Variants in NPR1 observed in about 807,000 individuals in gnomAD.
NPR1 encodes the protein atrial natriuretic peptide receptor 1.
NPR1 carries 57 observed loss-of-function variants against 116.9 expected under a neutral mutation model. The observed-to-expected ratio is 0.49, with a 90% CI of 0.39 to 0.61. The LOEUF is 0.61. Ranked by LOEUF, NPR1 falls within the 20% of genes least tolerant of loss-of-function variation. NPR1 has a pLI of 0.00. For synonymous variants in NPR1, 555 were observed against 601.6 expected (o/e 0.92, Z 1.13); for missense variants, 1,096 against 1,409.8 (o/e 0.78, Z 3.56).
At position 153,681,554 on chromosome 1, in the gene NPR1, G is replaced by A. The variant is rs61757352; in HGVS notation, c.1036-150G>A. The A allele has an allele frequency of 6.0e-3, 4,850 of 813,214 alleles. 144 individuals carry two copies. The African/African-American group carries it at 0.071, about 12-fold the overall frequency. The allele number at this position is 813,214 out of a possible 1,614,324, so 50.4% of individuals were successfully genotyped here. A position where few individuals can be genotyped will look rare whatever the true frequency, so the allele number is the denominator to read the frequency against. On this transcript the variant is annotated intron_variant, in intron 3 of 21. Transcript: ENST00000368680. ...GAAGTGATGCTAATCCAAAGGCATC[G>A]TTTAAATAGTAAAATCTCCCTGTGA...
At chr1:153,686,902 G>A (rs1248683251) in intron 11 of NPR1, 114 bp from the exon 12 acceptor site, 1 of 1,309,288 alleles carries the variant, frequency 7.6e-7, no homozygotes, top group Non-Finnish European at 1.1e-6. Context: ...TGGCACTAGA[G>A]TCAATCCAAA....
chr1:153,679,186 G>A lies in NPR1; in HGVS notation c.78G>A (p.Leu26=). 1.3e-6 allele frequency: 2 copies of A among 1,510,840 alleles called. No homozygotes were observed. Among genetic ancestry groups the A allele is most frequent in the Non-Finnish European group, 1.8e-6 (2 of 1,135,026 alleles). The allele number at this position is 1,510,840 out of a possible 1,614,324, so 93.6% of individuals were successfully genotyped here. Residue 26 remains leucine (L), a synonymous_variant, in exon 1 of 22, where the codon CTG becomes CTA. Coordinates refer to ENST00000368680, the MANE Select transcript of NPR1 (RefSeq NM_000906.4). This position sits in a 1 kb window ranked among gnomAD's most constrained non-coding sequence, Gnocchi z 4.2. ...TGCTGCTGCCGCCGCTGCTGCTGCTGCTCCGGGGCAGCCACGCGGGCAACC... is the reference window on the plus strand; with the variant it reads ...TGCTGCTGCCGCCGCTGCTGCTGCTACTCCGGGGCAGCCACGCGGGCAACC... ...LLLLLPPLLL[L]LRGSHAGNLT... is the part of the protein sequence containing the mutation.
intron 11 of NPR1, 87 bp from the exon 12 acceptor site, chr1:153,686,929 C>A: frequency 7.0e-7 from 1 of 1,434,150 alleles, no homozygotes; most frequent in South Asian, 1.2e-5. Context: ...TCCTGTTCTA[C>A]CAGTTCACAT....
At chr1:153,687,560 C>T in intron 13 of NPR1, 74 bp from the exon 14 acceptor site, 2 of 1,519,726 alleles carry the variant, frequency 1.3e-6, no homozygotes, top group East Asian at 2.3e-5. Context: ...TCAGTTTCGG[C>T]CACACCCTTG....
intron 7 of NPR1, 72 bp downstream of exon 7, chr1:153,683,896 A>G: frequency 7.3e-7 from 1 of 1,368,982 alleles, no homozygotes; most frequent in Non-Finnish European, 1.0e-6. Context: ...GGCGGTGGGG[A>G]CCCAGAGGGA....
intron 13 of NPR1, 62 bp downstream of exon 13, chr1:153,687,418 C>T: frequency 1.3e-6 from 2 of 1,577,354 alleles, no homozygotes; most frequent in Non-Finnish European, 1.7e-6. Context: ...GAGACTGATG[C>T]AAGGCCTCTG....
chr1:153,681,771 T>C lies in NPR1; in HGVS notation c.1103T>C (p.Leu368Pro). 6.2e-7 allele frequency: 1 copy of C among 1,614,040 alleles called. No homozygotes were observed. Among genetic ancestry groups the C allele is most frequent in the Non-Finnish European group, 8.5e-7 (1 of 1,180,006 alleles). Residue 368 changes from leucine (L) to proline (P), a missense_variant, in exon 4 of 22, where the codon CTG (leucine) becomes CCG (proline). Coordinates refer to ENST00000368680, the MANE Select transcript of NPR1 (RefSeq NM_000906.4). Reference sequence around the variant, plus strand: ...TATATCCAGGCAGTGACGGAGACTCTGGCACATGGGGGAACTGTTACTGAT... The same window carrying C: ...TATATCCAGGCAGTGACGGAGACTCCGGCACATGGGGGAACTGTTACTGAT... ...LLYIQAVTET[L>P]AHGGTVTDGE... is the part of the protein sequence containing the mutation.
intron 8 of NPR1, 138 bp downstream of exon 8, chr1:153,685,222 A>G: frequency 8.4e-7 from 1 of 1,186,688 alleles, no homozygotes; most frequent in Non-Finnish European, 1.2e-6. Flanking sequence ...AGCGACTCAT[A>G]GTCCCTCTCC....
chr1:153,691,259 A>G (rs1670102097), intron 20 of NPR1, among the ~76,000 whole-genome samples: 1 of 152,224 alleles, frequency 6.6e-6, no homozygotes, highest in Non-Finnish European at 1.5e-5. Context: ...AAACCCTGGT[A>G]CCCAGCAGGC....
rs1669951730 is a variant in NPR1 at position 153,687,060 on chromosome 1, G to T, written c.1908G>T (p.Arg636=). The T allele has an allele frequency of 6.2e-7, 1 of 1,614,080 alleles. No homozygotes were observed. The highest frequency in any genetic ancestry group is 1.7e-5 in the Admixed American group (1 of 60,002). The change falls in exon 12 of 22, where the codon CGG becomes CGT. Residue 636 remains arginine, a synonymous_variant. Coordinates refer to ENST00000368680, the MANE Select transcript of NPR1 (RefSeq NM_000906.4). ...NESITLDWMF[R]YSLTNDIVKG... ...GCATCACCCTGGACTGGATGTTCCG[G>T]TACTCACTCACCAATGACATCGTCA...
chr1:153,685,862 C>A lies in NPR1; in HGVS notation c.1662C>A (p.Ala554=). ...CAGAGGGCCAGTTCCAAGTCTTTGC[C>A]AAGACAGCATATTATAAGGTGGGCC... The part of the protein sequence containing the change: ...LTTEGQFQVF[A]KTAYYKGNLV... The change falls in exon 9 of 22, where the codon GCC becomes GCA. Residue 554 remains alanine, a synonymous_variant. Coordinates refer to ENST00000368680, the MANE Select transcript of NPR1 (RefSeq NM_000906.4). The A allele has an allele frequency of 6.2e-7, 1 of 1,613,990 alleles. No individual in the cohort carries two copies. Among genetic ancestry groups the A allele is most frequent in the Non-Finnish European group, 8.5e-7 (1 of 1,179,928 alleles).
chr1:153,685,663 C>T, intron 8 of NPR1, 143 bp from the exon 9 acceptor site: 1 of 666,038 alleles, frequency 1.5e-6, no homozygotes. Flanking sequence ...TACTACATCT[C>T]AAAAAAAAAC....
Position 153,679,813 on chromosome 1 carries a change from GC to G in NPR1, c.707del (p.Pro236ArgfsTer91). 7 of 1,542,500 alleles carry G rather than the reference GC, an allele frequency of 4.5e-6. No individual in the cohort carries two copies. Among genetic ancestry groups the G allele is most frequent in the Non-Finnish European group, 6.1e-6 (7 of 1,148,464 alleles). On this transcript the variant is annotated frameshift_variant, in exon 1 of 22. Coordinates refer to ENST00000368680, the MANE Select transcript of NPR1 (RefSeq NM_000906.4). LOFTEE classifies it high-confidence loss of function. The surrounding 1 kb of genome is among the most constrained non-coding windows in gnomAD (Gnocchi z 4.2). ...SHYTRLLRTM[P>X]RKGRVIYICS... ...ACTACACCAGGCTGCTGCGGACCAT[GC>G]CGCGCAAAGGCCGAGGTGAGACGCT... is the stretch of plus-strand genomic sequence containing the variant.
In NPR1 at chr1:153,679,080, G is replaced by A; in HGVS notation, c.-29G>A. 7.1e-7 allele frequency: 1 copy of A among 1,400,960 alleles called. No homozygotes were observed. Among genetic ancestry groups the A allele is most frequent in the Non-Finnish European group, 9.2e-7 (1 of 1,089,352 alleles). 86.8% of individuals were successfully genotyped at this position (1,400,960 alleles called of 1,614,324 possible). ...GGACCGAGGAGGCCATGGTAGGAGC[G>A]CTCGCCTGCTGCGGTGCCCGCTGAG... On this transcript the variant is annotated 5_prime_UTR_variant, in exon 1 of 22. Transcript: ENST00000368680. The surrounding 1 kb of genome is among the most constrained non-coding windows in gnomAD (Gnocchi z 4.2).
chr1:153,689,372 G>A lies in NPR1; in HGVS notation c.2688+61G>A. The A allele has an allele frequency of 6.2e-7, 1 of 1,613,440 alleles. No homozygotes were observed. Among genetic ancestry groups the A allele is most frequent in the Non-Finnish European group, 8.5e-7 (1 of 1,179,428 alleles). Reference sequence around the variant, plus strand: ...TCAGCATCTGGATCCCACCAGACCTGCCTTCTGGTTCTGCTTTACCCACCT... The same window carrying A: ...TCAGCATCTGGATCCCACCAGACCTACCTTCTGGTTCTGCTTTACCCACCT... On this transcript the variant is annotated intron_variant, in intron 17 of 21. Coordinates refer to ENST00000368680, the MANE Select transcript of NPR1 (RefSeq NM_000906.4). This position sits in a 1 kb window ranked among gnomAD's most constrained non-coding sequence, Gnocchi z 5.1.
Position 153,693,591 on chromosome 1 carries a change from A to G in NPR1, c.*177A>G. On this transcript the variant is annotated 3_prime_UTR_variant, in exon 22 of 22. Coordinates refer to ENST00000368680, the MANE Select transcript of NPR1 (RefSeq NM_000906.4). ...ATAGGACCTCTGAGAGGGGACTGGC[A>G]TGGGGGGATCTCAGAGCTTACAGGC... 1 of 558,196 alleles carries G rather than the reference A, an allele frequency of 1.8e-6. No individual in the cohort carries two copies. The highest frequency in any genetic ancestry group is 3.1e-6 in the Non-Finnish European group (1 of 324,126). The allele number at this position is 558,196 out of a possible 1,614,324, so 34.6% of individuals were successfully genotyped here. A position where few individuals can be genotyped will look rare whatever the true frequency, so the allele number is the denominator to read the frequency against.
At chr1:153,693,058 T>C in intron 20 of NPR1, 48 bp from the exon 21 acceptor site, 1 of 1,469,208 alleles carries the variant, frequency 6.8e-7, no homozygotes, top group Non-Finnish European at 9.4e-7. Flanking sequence ...ACTTTCCTGC[T>C]CTCCTCTCTC....
chr1:153,679,267 G>A lies in NPR1; in HGVS notation c.159G>A (p.Ala53=), dbSNP rs780885950. Residue 53 remains alanine, a synonymous_variant, in exon 1 of 22, where the codon GCG becomes GCA. Coordinates refer to ENST00000368680, the MANE Select transcript of NPR1 (RefSeq NM_000906.4). This position sits in a 1 kb window ranked among gnomAD's most constrained non-coding sequence, Gnocchi z 4.2. ...ATACCTCGTACCCCTGGTCGTGGGCGCGCGTGGGACCCGCCGTGGAGCTGG... is the reference window on the plus strand; with the variant it reads ...ATACCTCGTACCCCTGGTCGTGGGCACGCGTGGGACCCGCCGTGGAGCTGG... ...LANTSYPWSW[A]RVGPAVELAL... 2 of 1,527,970 alleles carry A rather than the reference G, an allele frequency of 1.3e-6. No individual in the cohort carries two copies. The highest frequency in any genetic ancestry group is 1.8e-6 in the Non-Finnish European group (2 of 1,142,728). 94.7% of individuals were successfully genotyped at this position (1,527,970 alleles called of 1,614,324 possible). A position where few individuals can be genotyped will look rare whatever the true frequency, so the allele number is the denominator to read the frequency against.
Position 153,689,132 on chromosome 1 carries a change from A to G in NPR1, c.2564+33A>G, listed in dbSNP as rs1485917883. On this transcript the variant is annotated intron_variant, in intron 16 of 21. Transcript: ENST00000368680. The surrounding 1 kb of genome is among the most constrained non-coding windows in gnomAD (Gnocchi z 5.1). ...CCTGAGTCTGGGGACCCCCCCCAAC[A>G]CAAAGCCCCTGTCCCGACCCCCAAC... The G allele has an allele frequency of 2.0e-5, 32 of 1,613,878 alleles. No individual in the cohort carries two copies. Among genetic ancestry groups the G allele is most frequent in the Non-Finnish European group, 2.6e-5 (31 of 1,179,950 alleles).
Sources: gnomAD v4.1 joint callset for allele counts (sites outside exome capture counted in the v4.1 genomes callset) on GRCh38, gnomAD v4.1.1 for gene constraint, Gnocchi (gnomAD v3.1) non-coding constraint, MANE v1.5 for transcripts, NCBI Gene and HGNC (gene_info 2026-07-23, HGNC 2026-07-21) for gene names.